Variants in CEP85L observed in about 807,000 individuals in gnomAD.
The protein encoded by CEP85L is centrosomal protein 85L.
A neutral mutation model predicts 100.3 loss-of-function variants in CEP85L; 60 were observed. That is an observed-to-expected ratio of 0.60 (90% CI 0.49 to 0.74). CEP85L has a LOEUF of 0.74. CEP85L is among the 30% of genes least tolerant of loss of function. CEP85L has a pLI of 0.00. For missense variants in CEP85L, 973 were observed against 936.2 expected (o/e 1.04, Z -0.51); for synonymous variants, 319 against 322.7 (o/e 0.99, Z 0.12).
chr6:118,697,692 C>T lies in CEP85L; in HGVS notation c.-28+12344G>A, dbSNP rs143161896. On this transcript the variant is annotated intron_variant, in intron 1 of 13. Transcript: ENST00000368488. ...GGCGGTGTGGCATGAGGATGAATGC[C>T]AGGAAGAAGAGCCATCAGTATATGA... Among the ~76,000 whole-genome samples the T allele has an allele frequency of 3.0e-4, 46 of 152,244 alleles. No individual in the cohort carries two copies. In the East Asian group the frequency reaches 8.3e-3, roughly 27 times the overall value.
rs548460549 is a variant in CEP85L, at chr6:118,572,536, C to G, written c.233-6220G>C. Among the ~76,000 whole-genome samples, 30 of 151,658 alleles carry G rather than the reference C, an allele frequency of 2.0e-4. No individual in the cohort carries two copies. The South Asian group carries it at 6.3e-3, about 32-fold the overall frequency. On this transcript the variant is annotated intron_variant, in intron 2 of 12. Coordinates refer to ENST00000368491, the MANE Select transcript of CEP85L (RefSeq NM_001042475.3). ...GCAGTGAGCTGAGATTGCGCCATTG[C>G]ACTCCAGTCTGGAGACAGAGCGAGA...
rs971864110 is a variant in CEP85L at position 118,460,851 on chromosome 6, C to T, written c.*4554G>A. The T allele has an allele frequency of 1.3e-5, 2 of 151,960 alleles. No individual in the cohort carries two copies. The highest frequency in any genetic ancestry group is 6.6e-5 in the Admixed American group (1 of 15,246). 9.4% of individuals were successfully genotyped at this position (151,960 alleles called of 1,614,324 possible). ...AATAGTCCAGTGGAAAAATACTAGC[C>T]ATTAACATTGAAAACTTTTTTCTTA... On this transcript the variant is annotated 3_prime_UTR_variant, in exon 13 of 13. Transcript: ENST00000368491.
intron 4 of CEP85L, among the ~76,000 whole-genome samples, chr6:118,520,856 A>G (rs1378603232): frequency 6.6e-6 from 1 of 152,220 alleles, no homozygotes; most frequent in East Asian, 1.9e-4. Flanking sequence ...AAATGGTTAT[A>G]GTGGCAAATG....
chr6:118,626,136 T>C (rs7754272), intron 2 of CEP85L, among the ~76,000 whole-genome samples: 107,756 of 151,968 alleles, frequency 0.71, 38,928 homozygotes, highest in African/African-American at 0.75. Context: ...CTTCCTGGGT[T>C]GAGTAGGGGC....
intron 1 of CEP85L, among the ~76,000 whole-genome samples, chr6:118,667,982 A>C (rs1467422234): frequency 6.6e-6 from 1 of 152,242 alleles, no homozygotes; most frequent in Non-Finnish European, 1.5e-5. Flanking sequence ...ATAATCCATG[A>C]GTTGGGCTGA....
intron 2 of CEP85L, among the ~76,000 whole-genome samples, chr6:118,600,976 T>C (rs774295971): frequency 6.6e-6 from 1 of 152,206 alleles, no homozygotes; most frequent in Non-Finnish European, 1.5e-5. Context: ...CATTTCTCCA[T>C]TGGTAAGCAT....
chr6:118,531,278 T>C (rs1174955427), intron 3 of CEP85L, among the ~76,000 whole-genome samples: 1 of 152,092 alleles, frequency 6.6e-6, no homozygotes. Flanking sequence ...CCCTGTTCAA[T>C]AAACAATGCT....
rs917488040 is a variant in CEP85L at position 118,523,897 on chromosome 6, T to C, written c.1044A>G (p.Gln348=). 5.0e-6 allele frequency: 8 copies of C among 1,602,576 alleles called. No individual in the cohort carries two copies. The East Asian group carries it at 6.7e-5, about 13-fold the overall frequency. ...PMQVLTGSSR[Q]SYSPGYQDFS... is the part of the protein sequence containing the mutation. ...AATCCTGATAGCCAGGTGAATAACT[T>C]TGACGAGATGATCCAGTCAAAACCT... The change falls in exon 4 of 13, where the codon CAA becomes CAG. Residue 348 remains glutamine (Q), a synonymous_variant. Transcript: ENST00000368491.
chr6:118,525,422 C>A (rs895238422), intron 3 of CEP85L, among the ~76,000 whole-genome samples: 1 of 152,138 alleles, frequency 6.6e-6, no homozygotes, highest in African/African-American at 2.4e-5. Flanking sequence ...GAAATAGGGT[C>A]TTTGCAGATG....
intron 3 of CEP85L, chr6:118,559,265 A>G (rs1280839161): frequency 1.6e-6 from 1 of 631,230 alleles, no homozygotes; most frequent in Non-Finnish European, 2.9e-6. Context: ...GGATCTTGTA[A>G]ACATGAAAAG....
intron 3 of CEP85L, among the ~76,000 whole-genome samples, chr6:118,527,010 T>C (rs1352634791): frequency 1.4e-5 from 2 of 139,342 alleles, no homozygotes; most frequent in East Asian, 2.0e-4. Flanking sequence ...TTCTTTTTTT[T>C]TTTTTTTTTT....
chr6:118,600,070 T>C (rs940844147), intron 2 of CEP85L, among the ~76,000 whole-genome samples: 5 of 146,370 alleles, frequency 3.4e-5, no homozygotes, highest in Non-Finnish European at 6.1e-5. Context: ...GGAGTCCACA[T>C]TGATATAAAT....
intron 5 of CEP85L, among the ~76,000 whole-genome samples, chr6:118,492,258 T>C (rs745490107): frequency 6.6e-6 from 1 of 152,004 alleles, no homozygotes; most frequent in Non-Finnish European, 1.5e-5. Context: ...TCTAAGTAAA[T>C]AAATAAAAAC....
chr6:118,616,822 G>A (rs1773085630), intron 2 of CEP85L, among the ~76,000 whole-genome samples: 1 of 151,750 alleles, frequency 6.6e-6, no homozygotes, highest in African/African-American at 2.4e-5. Flanking sequence ...GCGTGCACCT[G>A]TAATCCCAGC....
At chr6:118,496,356 T>TTTCTATTTTATTTTATTTTA (rs1774919525) in intron 5 of CEP85L, among the ~76,000 whole-genome samples, 1 of 139,460 alleles carries the variant, frequency 7.2e-6, no homozygotes, top group Non-Finnish European at 1.5e-5. Flanking sequence ...TATTTTATAT[T>TTTCTATTTTATTTTATTTTA]TTTTATTTTA....
Position 118,469,110 on chromosome 6 carries a change from C to G in CEP85L, c.2216G>C (p.Gly739Ala). ...LCSILNQRAQ[G>A]KEPNLSLLLG... ...TAATAATGAAAGATTAGGCTCCTTG[C>G]CCTGAGCACGCTGATTAAGAATACT... Residue 739 changes from glycine to alanine, a missense_variant, in exon 12 of 13, where the codon GGC becomes GCC. This residue lies in a region of CEP85L where 890 missense variants were observed against 844.5 expected (regional missense o/e 1.05). Transcript: ENST00000368491. 1.2e-6 allele frequency: 2 copies of G among 1,613,792 alleles called. No individual in the cohort carries two copies. Among genetic ancestry groups the G allele is most frequent in the Non-Finnish European group, 1.7e-6 (2 of 1,179,760 alleles).
rs556876596 is a variant in CEP85L at position 118,572,835 on chromosome 6, G to A, written c.233-6519C>T. On this transcript the variant is annotated intron_variant, in intron 2 of 12. Coordinates refer to ENST00000368491, the MANE Select transcript of CEP85L (RefSeq NM_001042475.3). The stretch of plus-strand genomic sequence containing the variant: ...CCAGCAATTTGGGAGGCCGAGGCGG[G>A]CAGATCACCTGAGGTCAGGAGTTAG... 2.6e-5 allele frequency among the ~76,000 whole-genome samples: 4 copies of A among 152,212 alleles called. No homozygotes were observed. In the East Asian group the frequency reaches 7.7e-4, roughly 29 times the overall value.
chr6:118,638,525 G>C (rs1036973857), intron 1 of CEP85L, among the ~76,000 whole-genome samples: 1 of 149,774 alleles, frequency 6.7e-6, no homozygotes, highest in Non-Finnish European at 1.5e-5. Context: ...TCACAGAATA[G>C]TTACAAGACT....
chr6:118,570,462 T>C (rs1779822353), intron 2 of CEP85L, among the ~76,000 whole-genome samples: 1 of 152,184 alleles, frequency 6.6e-6, no homozygotes, highest in Non-Finnish European at 1.5e-5. Flanking sequence ...ACTTTCCAAA[T>C]GCAAAGAAAA....
Sources: gnomAD v4.1 joint callset for allele counts (sites outside exome capture counted in the v4.1 genomes callset) on GRCh38, gnomAD v4.1.1 for gene constraint, gnomAD v4.1.1 regional missense constraint, MANE v1.5 for transcripts, NCBI Gene and HGNC (gene_info 2026-07-23, HGNC 2026-07-21) for gene names.